TCEA1: variants seen among roughly 807,000 people sequenced by gnomAD.
TCEA1 encodes transcription elongation factor A protein 1.
Under a neutral mutation model 43.8 loss-of-function variants are expected in TCEA1, and 21 were observed. That is an observed-to-expected ratio of 0.48 (90% CI 0.34 to 0.69). TCEA1 has a LOEUF of 0.69. TCEA1 is among the 30% of genes least tolerant of loss of function. TCEA1 has a pLI of 0.01. For synonymous variants in TCEA1, 104 were observed against 117.5 expected, an observed-to-expected ratio of 0.88 and a Z score of 0.75; for missense variants, 250 against 365.1, an observed-to-expected ratio of 0.68 and a Z score of 2.57.
At chr8:53,977,054 T>C (rs1010813741) in intron 8 of TCEA1, among the ~76,000 whole-genome samples, 5 of 152,220 alleles carry the variant, frequency 3.3e-5, no homozygotes, top group South Asian at 2.1e-4. Flanking sequence ...GCGTGGTGGC[T>C]CACGCCTGTA....
intron 8 of TCEA1, among the ~76,000 whole-genome samples, chr8:53,975,602 T>A (rs1803307581): frequency 6.6e-6 from 1 of 152,154 alleles, no homozygotes; most frequent in South Asian, 2.1e-4. Context: ...CAGATAAACC[T>A]TGCAGATATT....
At chr8:53,970,131 T>C (rs1803111448) in intron 9 of TCEA1, 2 of 449,372 alleles carry the variant, frequency 4.5e-6, no homozygotes, top group Non-Finnish European at 7.9e-6. Flanking sequence ...AGGACAGTGA[T>C]ATAATAATTG....
chr8:54,008,172 C>CAAAAAAAAAAAAAAAAAAAAAAAAAAA, intron 2 of TCEA1, among the ~76,000 whole-genome samples: 1 of 42,360 alleles, frequency 2.4e-5, no homozygotes, highest in Non-Finnish European at 4.4e-5. Flanking sequence ...AACTGTGTCT[C>CAAAAAAAAAAAAAAAAAAAAAAAAAAA]AAAAAAAAAA....
At chr8:53,973,671 A>G (rs575313539) in intron 8 of TCEA1, 446 of 558,164 alleles carry the variant, frequency 8.0e-4, no homozygotes, top group Non-Finnish European at 1.3e-3. Flanking sequence ...GAAAAAGAAG[A>G]AAAAGCAGCT....
intron 1 of TCEA1, among the ~76,000 whole-genome samples, chr8:54,020,967 C>T (rs1805004720): frequency 6.6e-6 from 1 of 152,146 alleles, no homozygotes; most frequent in African/African-American, 2.4e-5. Flanking sequence ...GTGGGCGGAT[C>T]ACCTGAGGTC....
chr8:53,986,821 T>C (rs1341328473), intron 6 of TCEA1, 148 bp downstream of exon 6: 6 of 622,130 alleles, frequency 9.6e-6, no homozygotes, highest in Non-Finnish European at 1.4e-5. Flanking sequence ...AATCCTCTTC[T>C]GCTTCTGTTT....
chr8:53,993,601 A>G, intron 4 of TCEA1, 67 bp downstream of exon 4: 1 of 1,302,254 alleles, frequency 7.7e-7, no homozygotes, highest in Non-Finnish European at 1.1e-6. Context: ...AACATTAGAC[A>G]GGGGAATTGA....
intron 5 of TCEA1, among the ~76,000 whole-genome samples, chr8:53,987,881 T>C (rs1188465482): frequency 6.6e-6 from 1 of 152,184 alleles, no homozygotes; most frequent in Non-Finnish European, 1.5e-5. Flanking sequence ...AAAACATCCA[T>C]GTATTAGAGG....
Position 54,000,001 on chromosome 8 carries a change from T to C in TCEA1, c.176A>G (p.Asp59Gly). 2 of 1,604,706 alleles carry C rather than the reference T, an allele frequency of 1.2e-6. No homozygotes were observed. The highest frequency in any genetic ancestry group is 1.7e-6 in the Non-Finnish European group (2 of 1,175,114). ...SVNAIRKQST[D>G]EEVTSLAKSL... ...CTTTGCCAAAGATGTAACTTCCTCA[T>C]CTGTACTCTGCTTGCGAATAGCATT... The change falls in exon 3 of 10, where the codon GAT becomes GGT. Residue 59 changes from aspartate (D) to glycine (G), a missense_variant. By Grantham distance (94) the Asp-to-Gly change is moderately conservative (BLOSUM62 -1). Transcript: ENST00000521604.
At chr8:53,972,379 G>A (rs1803183757) in intron 8 of TCEA1, 1 of 538,988 alleles carries the variant, frequency 1.9e-6, no homozygotes, top group Non-Finnish European at 3.6e-6. Flanking sequence ...AGGGGTAAAG[G>A]AAATATAGAA....
intron 5 of TCEA1, 103 bp downstream of exon 5, chr8:53,988,011 C>T (rs1803743924): frequency 2.2e-6 from 3 of 1,385,988 alleles, no homozygotes; most frequent in Middle Eastern, 2.6e-4. Flanking sequence ...AGTGGGTGGG[C>T]TATCCACAGG....
intron 3 of TCEA1, among the ~76,000 whole-genome samples, chr8:53,997,082 A>AT (rs1423587189): frequency 4.0e-5 from 6 of 151,354 alleles, no homozygotes; most frequent in South Asian, 4.2e-4. Flanking sequence ...ATTTTTTTGT[A>AT]TTTTTTTAGT....
chr8:53,986,630 TTA>T (rs1803696880), intron 6 of TCEA1, among the ~76,000 whole-genome samples: 5 of 152,362 alleles, frequency 3.3e-5, no homozygotes, highest in African/African-American at 1.2e-4. Flanking sequence ...TACTAGGGAT[TTA>T]TATGTTTCAG....
At chr8:54,021,851 G>GA (rs879269608) in intron 1 of TCEA1, 8 of 409,046 alleles carry the variant, frequency 2.0e-5, no homozygotes, top group Non-Finnish European at 3.4e-5. Context: ...GCAGGGACTG[G>GA]AAATACAAGA....
At chr8:53,983,474 T>C (rs1201214926) in intron 7 of TCEA1, among the ~76,000 whole-genome samples, 1 of 152,208 alleles carries the variant, frequency 6.6e-6, no homozygotes, top group Non-Finnish European at 1.5e-5. Flanking sequence ...ATTTTTTCCA[T>C]AATTCCCTGT....
intron 4 of TCEA1, among the ~76,000 whole-genome samples, chr8:53,988,753 T>TAG (rs1281635817): frequency 1.3e-5 from 2 of 151,804 alleles, no homozygotes; most frequent in Non-Finnish European, 2.9e-5. Context: ...AAACTAGAGA[T>TAG]AGAGAGAGAG....
At chr8:54,010,124 A>T (rs559580267) in intron 2 of TCEA1, 110 of 297,646 alleles carry the variant, frequency 3.7e-4, no homozygotes, top group African/African-American at 2.2e-3. Flanking sequence ...TCAATAATAG[A>T]TCAAGAAAGG....
At chr8:54,017,818 G>T (rs1257895963) in intron 1 of TCEA1, among the ~76,000 whole-genome samples, 1 of 152,182 alleles carries the variant, frequency 6.6e-6, no homozygotes, top group Non-Finnish European at 1.5e-5. Flanking sequence ...TACTCGGGAA[G>T]CTGAGGTGGG....
At chr8:53,999,774 A>C in intron 3 of TCEA1, 171 bp downstream of exon 3, 1 of 511,812 alleles carries the variant, frequency 2.0e-6, no homozygotes, top group Non-Finnish European at 3.4e-6. Flanking sequence ...AAGGCAAAAA[A>C]ACCCTAAAGA....
Sources: allele counts gnomAD v4.1 joint callset (sites outside exome capture counted in the v4.1 genomes callset), GRCh38; gene constraint gnomAD v4.1.1; transcripts MANE v1.5; gene names NCBI Gene and HGNC (gene_info 2026-07-23, HGNC 2026-07-21).